The following SVOPL variants were observed in gnomAD, a reference collection of about 807,000 sequenced individuals.
The protein encoded by SVOPL is SVOP like.
Under a neutral mutation model 61.0 loss-of-function variants are expected in SVOPL, and 60 were observed. The ratio of observed to expected loss-of-function variants is 0.98; its 90% CI spans 0.80 to 1.22. The LOEUF (loss-of-function observed/expected upper bound fraction) is 1.22. SVOPL is among the 50% of genes most tolerant of loss of function. The probability of loss-of-function intolerance (pLI) is 0.00; values close to 1 mark genes in which losing one functional copy is unlikely to be tolerated. For synonymous variants in SVOPL, 279 were observed against 250.0 expected, an observed-to-expected ratio of 1.12 and a Z score of -1.09; for missense variants, 662 against 643.9, an observed-to-expected ratio of 1.03 and a Z score of -0.30.
chr7:138,657,546 G>T (rs902642657), intron 6 of SVOPL, among the ~76,000 whole-genome samples: 1 of 152,148 alleles, frequency 6.6e-6, no homozygotes, highest in Admixed American at 6.5e-5. Context: ...TTCTAATTAA[G>T]TACATATTTT....
intron 14 of SVOPL, among the ~76,000 whole-genome samples, chr7:138,601,093 A>G (rs1798499087): frequency 6.6e-6 from 1 of 151,768 alleles, no homozygotes; most frequent in East Asian, 1.9e-4. Context: ...CTACTAAAAA[A>G]TACAAAAAAT....
intron 14 of SVOPL, among the ~76,000 whole-genome samples, chr7:138,606,062 T>C (rs1798743384): frequency 6.6e-6 from 1 of 151,176 alleles, no homozygotes; most frequent in Non-Finnish European, 1.5e-5. Context: ...GAGCACCAGG[T>C]CACTCAAGTA....
At chr7:138,682,138 A>C (rs896799828) in intron 1 of SVOPL, among the ~76,000 whole-genome samples, 3 of 152,194 alleles carry the variant, frequency 2.0e-5, no homozygotes, top group Non-Finnish European at 4.4e-5. Context: ...TGCAGAGAAA[A>C]GGATGGAATT....
At position 138,622,254 on chromosome 7, in the gene SVOPL, G is replaced by GTATC. The variant is rs1380131790; in HGVS notation, c.1264-1123_1264-1120dup. ...TCTATGTATCTATCTATCTATCTAT[G>GTATC]TATCTATCTATCTATGTATCTATCT... On this transcript the variant is annotated intron_variant, in intron 13 of 15. Coordinates refer to ENST00000674285, the MANE Select transcript of SVOPL (RefSeq NM_001139456.2). Among the ~76,000 whole-genome samples, 9 of 52,884 alleles carry GTATC rather than the reference G, an allele frequency of 1.7e-4. 1 individual carries two copies. Among genetic ancestry groups the GTATC allele is most frequent in the East Asian group, 5.1e-4 (1 of 1,952 alleles). 34.7% of individuals were successfully genotyped at this position (52,884 alleles called of 152,430 possible). A position where few individuals can be genotyped will look rare whatever the true frequency, so the allele number is the denominator to read the frequency against.
chr7:138,597,087 T>C (rs1389464060), intron 14 of SVOPL: 12 of 1,185,514 alleles, frequency 1.0e-5, no homozygotes, highest in Non-Finnish European at 1.3e-5. Flanking sequence ...TGGGTTTCTG[T>C]CCATCTGTAC....
intron 7 of SVOPL, among the ~76,000 whole-genome samples, chr7:138,652,365 TTTG>T (rs1801482619): frequency 2.3e-4 from 35 of 151,826 alleles, no homozygotes; most frequent in Admixed American, 2.3e-3. Flanking sequence ...TTTTTTGATT[TTTG>T]TAGACTTGGG....
chr7:138,667,285 ATTCTTTG>A (rs1229224163), intron 4 of SVOPL, among the ~76,000 whole-genome samples: 1 of 152,162 alleles, frequency 6.6e-6, no homozygotes, highest in Non-Finnish European at 1.5e-5. Flanking sequence ...CCCATGGAAA[ATTCTTTG>A]CTGGTCTTGA....
chr7:138,618,652 CAG>C (rs376141906), intron 14 of SVOPL, among the ~76,000 whole-genome samples: 7 of 149,098 alleles, frequency 4.7e-5, no homozygotes, highest in Non-Finnish European at 5.9e-5. Flanking sequence ...CAGAGCGAGA[CAG>C]AGAGAGAGAG....
intron 14 of SVOPL, among the ~76,000 whole-genome samples, chr7:138,608,374 C>A (rs1798846593): frequency 6.6e-6 from 1 of 152,172 alleles, no homozygotes; most frequent in Non-Finnish European, 1.5e-5. Context: ...GCAGACAGAT[C>A]AATGGACTAA....
chr7:138,619,341 TGA>T (rs1203669320), intron 14 of SVOPL, among the ~76,000 whole-genome samples: 1 of 151,600 alleles, frequency 6.6e-6, no homozygotes, highest in African/African-American at 2.4e-5. Context: ...CTGGGGGGAT[TGA>T]GGCTGCAGTG....
intron 9 of SVOPL, among the ~76,000 whole-genome samples, chr7:138,641,724 G>A (rs1800792872): frequency 6.8e-6 from 1 of 147,188 alleles, no homozygotes. Flanking sequence ...ACCCTATTAG[G>A]CCTATAAGGA....
chr7:138,641,817 TA>T lies in SVOPL; in HGVS notation c.789+2899del, dbSNP rs1563112119. On this transcript the variant is annotated intron_variant, in intron 9 of 15. Transcript: ENST00000674285. The stretch of plus-strand genomic sequence containing the variant: ...AGACGTATCAAATATATATATGTTA[TA>T]TATATATATATATATAACATATATA... 2.1e-3 allele frequency among the ~76,000 whole-genome samples: 266 copies of T among 129,572 alleles called. 1 individual carries two copies. Among genetic ancestry groups the T allele is most frequent in the African/African-American group, 7.5e-3 (258 of 34,482 alleles). The allele number at this position is 129,572 out of a possible 152,430, so 85.0% of individuals were successfully genotyped here.
At position 138,671,888 on chromosome 7, in the gene SVOPL, C is replaced by CAA. The variant is rs575093984; in HGVS notation, c.273+129_273+130dup. On this transcript the variant is annotated intron_variant, in intron 4 of 15. Coordinates refer to ENST00000674285, the MANE Select transcript of SVOPL (RefSeq NM_001139456.2). ...AAGGTGACGAAGACATCAAATGCTG[C>CAA]AAACCCTTGAGTTTTGGAAGCCAAC... 409 of 741,860 alleles carry CAA rather than the reference C, an allele frequency of 5.5e-4. 6 individuals carry two copies. In the South Asian group the frequency reaches 7.2e-3, roughly 13 times the overall value. The allele number at this position is 741,860 out of a possible 1,614,324, so 46.0% of individuals were successfully genotyped here.
intron 3 of SVOPL, among the ~76,000 whole-genome samples, chr7:138,674,838 G>A (rs539856278): frequency 3.1e-3 from 460 of 146,838 alleles, no homozygotes; most frequent in African/African-American, 0.011. Context: ...CCTGGGCAAC[G>A]GAGTGAGACT....
At chr7:138,641,228 T>C (rs938718298) in intron 9 of SVOPL, among the ~76,000 whole-genome samples, 6 of 26,182 alleles carry the variant, frequency 2.3e-4, no homozygotes, top group African/African-American at 1.0e-3. Flanking sequence ...GCTGAAATTA[T>C]TAAAAAAAAA....
At chr7:138,622,102 C>CTATG (rs1563096236) in intron 13 of SVOPL, among the ~76,000 whole-genome samples, 634 of 40,796 alleles carry the variant, frequency 0.016, 94 homozygotes, top group Middle Eastern at 0.071. Flanking sequence ...ATCTATCTAT[C>CTATG]TATCTATCTA....
intron 5 of SVOPL, chr7:138,660,408 A>G (rs1453856543): frequency 1.2e-5 from 12 of 985,784 alleles, no homozygotes; most frequent in Non-Finnish European, 1.4e-5. Context: ...ATACAGAAGA[A>G]AAAAGAAAAT....
chr7:138,622,226 CTATCTATGTATCTATCTATCTATCTATG>C (rs1249558320), intron 13 of SVOPL, among the ~76,000 whole-genome samples: 1,103 of 88,428 alleles, frequency 0.012, 26 homozygotes, highest in African/African-American at 0.037. Context: ...ATCTATGTAT[CTATCTATGTATCTATCTATCTATCTATG>C]TATCTATCTA....
In SVOPL at chr7:138,656,457, G is replaced by A. The variant is rs745768810; in HGVS notation, c.525C>T (p.Pro175=). Residue 175 remains proline (P), a synonymous_variant, in exon 7 of 16, where the codon CCC becomes CCT. Transcript: ENST00000674285. ...TCCTACGTTGCCTTACCTGAGACAAGGGTAACATATAGCCTCGGTATTTCG... is the reference window on the plus strand; with the variant it reads ...TCCTACGTTGCCTTACCTGAGACAAAGGTAACATATAGCCTCGGTATTTCG... The part of the protein sequence containing the change: ...LPTKYRGYML[P]LSQVFWLAGS... 66 of 1,613,824 alleles carry A rather than the reference G, an allele frequency of 4.1e-5. No homozygotes were observed. In the East Asian group the frequency reaches 1.5e-3, roughly 36 times the overall value.
Sources: gnomAD v4.1 joint callset for allele counts (sites outside exome capture counted in the v4.1 genomes callset) on GRCh38, gnomAD v4.1.1 for gene constraint, MANE v1.5 for transcripts, NCBI Gene and HGNC (gene_info 2026-07-23, HGNC 2026-07-21) for gene names.